Variants in SLC24A5 observed in about 807,000 individuals in gnomAD.
The protein encoded by SLC24A5 is sodium/potassium/calcium exchanger 5.
A neutral mutation model predicts 51.6 loss-of-function variants in SLC24A5; 46 were observed. The observed-to-expected ratio is 0.89, with a 90% confidence interval of 0.70 to 1.14. The LOEUF is 1.14. Ranked by LOEUF, SLC24A5 falls within the 50% of genes most tolerant of loss-of-function variation. The pLI, the probability that SLC24A5 is intolerant of heterozygous loss-of-function variation, is 0.00. For missense variants in SLC24A5, 581 were observed against 604.1 expected, an observed-to-expected ratio of 0.96 and a Z score of 0.40; for synonymous variants, 230 against 214.9, an observed-to-expected ratio of 1.07 and a Z score of -0.62.
chr15:48,125,805 T>C (rs1223501931), intron 2 of SLC24A5, among the ~76,000 whole-genome samples: 1 of 152,138 alleles, frequency 6.6e-6, no homozygotes, highest in Non-Finnish European at 1.5e-5. Flanking sequence ...TGGAACTTCA[T>C]CATCATAGAT....
chr15:48,138,961 C>T lies in SLC24A5; in HGVS notation c.872-8C>T. ...AAAACTCAAAAGTGTTTACTTTTTCCACAACAGATCCACCAAGTGTTTTCA... is the reference window on the plus strand; with the variant it reads ...AAAACTCAAAAGTGTTTACTTTTTCTACAACAGATCCACCAAGTGTTTTCA... On this transcript the variant is annotated splice_polypyrimidine_tract_variant and splice_region_variant and intron_variant, in intron 6 of 8. Coordinates refer to ENST00000341459, the MANE Select transcript of SLC24A5 (RefSeq NM_205850.3). 1 of 1,603,344 alleles carries T rather than the reference C, an allele frequency of 6.2e-7. No homozygotes were observed. Among genetic ancestry groups the T allele is most frequent in the Non-Finnish European group, 8.5e-7 (1 of 1,175,296 alleles).
rs1186464421 is a variant in SLC24A5 at position 48,136,938 on chromosome 15, AC to A, written c.847del (p.His283MetfsTer21). ...GCTACTCTCAGCTCTCTATAAGTTT[AC>A]ATGGCCTTAGTCAGGTTTCTGAAGG... ...SGYSQLSISLHGLSQVSEDPP... is the reference protein window; with the variant it reads ...SGYSQLSISLXGLSQVSEDPP... On this transcript the variant is annotated frameshift_variant, in exon 6 of 9. Transcript: ENST00000341459. LOFTEE classifies it high-confidence loss of function. The A allele has an allele frequency of 6.2e-7, 1 of 1,612,864 alleles. No individual in the cohort carries two copies. The highest frequency in any genetic ancestry group is 1.3e-5 in the African/African-American group (1 of 74,904).
At chr15:48,123,616 T>C (rs2038701886) in intron 2 of SLC24A5, 1 of 152,210 alleles carries the variant, frequency 6.6e-6, no homozygotes, top group Non-Finnish European at 1.5e-5. Flanking sequence ...TTTAAAACTA[T>C]TACTCTCATT....
chr15:48,140,735 TCTGA>T (rs776987020), intron 7 of SLC24A5: 33 of 193,204 alleles, frequency 1.7e-4, no homozygotes, highest in African/African-American at 3.8e-4. Context: ...TTTGCTTAAC[TCTGA>T]CTAATATTTT....
intron 5 of SLC24A5, 145 bp downstream of exon 5, chr15:48,135,129 T>C (rs2038864754): frequency 3.5e-6 from 2 of 572,698 alleles, no homozygotes; most frequent in Admixed American, 2.9e-5. Context: ...GTTAACCTCA[T>C]CACAATTGCT....
chr15:48,129,173 A>G lies in SLC24A5; in HGVS notation c.302-5085A>G, dbSNP rs1342979293. Among the ~76,000 whole-genome samples the G allele has an allele frequency of 2.6e-5, 4 of 152,112 alleles. 1 individual carries two copies. Among genetic ancestry groups the G allele is most frequent in the African/African-American group, 9.7e-5 (4 of 41,436 alleles). On this transcript the variant is annotated intron_variant, in intron 2 of 8. Coordinates refer to ENST00000341459, the MANE Select transcript of SLC24A5 (RefSeq NM_205850.3). ...AAAAGCATTACAGGTTTCAGAATTC[A>G]TTCTTTCATTGCTCAGACAAAATAT... is the stretch of plus-strand genomic sequence containing the variant.
chr15:48,134,412 A>G (rs1241200765), intron 3 of SLC24A5, 23 bp from the exon 4 acceptor site: 1 of 1,608,054 alleles, frequency 6.2e-7, no homozygotes, highest in South Asian at 1.1e-5. Context: ...ACACTAACTT[A>G]GCTGGTACTA....
intron 2 of SLC24A5, 58 bp from the exon 3 acceptor site, chr15:48,134,200 T>G (rs946244054): frequency 1.6e-5 from 23 of 1,406,506 alleles, no homozygotes; most frequent in Middle Eastern, 1.8e-4. Context: ...TTGTGTTTAG[T>G]TGTAAAGACA....
intron 2 of SLC24A5, among the ~76,000 whole-genome samples, chr15:48,129,028 G>A (rs1484839687): frequency 1.3e-5 from 2 of 152,142 alleles, no homozygotes; most frequent in East Asian, 3.9e-4. Flanking sequence ...TGGAGGTAAA[G>A]TGTCTTGTAT....
At position 48,136,686 on chromosome 15, in the gene SLC24A5, T is replaced by C. The variant is rs199825911; in HGVS notation, c.594T>C (p.Tyr198=). Reference sequence around the variant, plus strand: ...AACACAAATTTCTCTTTTGTAGGTATGAAGGGGCTTTACTGCTTTTGATAT... The same window carrying C: ...AACACAAATTTCTCTTTTGTAGGTACGAAGGGGCTTTACTGCTTTTGATAT... ...GIIYDNQVYW[Y]EGALLLLIYG... is the part of the protein sequence containing the mutation. Residue 198 remains tyrosine, a synonymous_variant, in exon 6 of 9, where the codon TAT becomes TAC. Coordinates refer to ENST00000341459, the MANE Select transcript of SLC24A5 (RefSeq NM_205850.3). 188 of 1,600,250 alleles carry C rather than the reference T, an allele frequency of 1.2e-4. 1 individual carries two copies. In the Middle Eastern group the frequency reaches 1.5e-3, roughly 13 times the overall value.
rs756059377 is a variant in SLC24A5 at position 48,134,354 on chromosome 15, C to G, written c.385+13C>G. 4.0e-5 allele frequency: 64 copies of G among 1,612,786 alleles called. No homozygotes were observed. Among genetic ancestry groups the G allele is most frequent in the Non-Finnish European group, 5.4e-5 (64 of 1,179,080 alleles). On this transcript the variant is annotated intron_variant, in intron 3 of 8. Coordinates refer to ENST00000341459, the MANE Select transcript of SLC24A5 (RefSeq NM_205850.3). ...ACTGCTTTCCTAGGTAAATATTGCT[C>G]CTTATACTTCTTGCTTACTCAGTGT...
rs764944819 is a variant in SLC24A5, at chr15:48,122,010, T to TACC, written c.276_278dup (p.Pro93dup). Reference sequence around the variant, plus strand: ...TCTATTGTCTGTGATGAATACTTCCTACCCTCCCTGGAAATCATCAGTGAA... The same window carrying TACC: ...TCTATTGTCTGTGATGAATACTTCCTACCACCCTCCCTGGAAATCATCAGTGAA... On this transcript the variant is annotated inframe_insertion, in exon 2 of 9. Transcript: ENST00000341459. 6.2e-7 allele frequency: 1 copy of TACC among 1,614,208 alleles called. No homozygotes were observed.
intron 2 of SLC24A5, among the ~76,000 whole-genome samples, chr15:48,126,673 C>T (rs547555815): frequency 2.0e-5 from 3 of 152,066 alleles, no homozygotes; most frequent in Non-Finnish European, 4.4e-5. Context: ...GAATGTTACC[C>T]GGATGGATAC....
intron 7 of SLC24A5, chr15:48,139,392 C>A: frequency 2.5e-6 from 1 of 401,874 alleles, no homozygotes; most frequent in Non-Finnish European, 4.5e-6. Context: ...TGTTATTTAG[C>A]CTGGGGTACA....
Position 48,134,447 on chromosome 15 carries a change from C to G in SLC24A5, c.398C>G (p.Thr133Arg). ...ATCTTGCACATAGGTGTATTTATCA[C>G]AAAGGGAGATATTGGCATTAGCACC... ...LVTAFLGVFI[T>R]KGDIGISTIL... The change falls in exon 4 of 9, where the codon ACA becomes AGA. Residue 133 changes from threonine (T) to arginine (R), a missense_variant. Transcript: ENST00000341459. 1 of 1,613,204 alleles carries G rather than the reference C, an allele frequency of 6.2e-7. No homozygotes were observed. Among genetic ancestry groups the G allele is most frequent in the Non-Finnish European group, 8.5e-7 (1 of 1,179,296 alleles).
chr15:48,126,596 C>T lies in SLC24A5; in HGVS notation c.301+4560C>T, dbSNP rs375034336. On this transcript the variant is annotated intron_variant, in intron 2 of 8. Transcript: ENST00000341459. ...CAAGCCCAAGTTAGAGCTAAAGGAG[C>T]TAGAGGTAATGGGGTGAGGAATAAA... 3.9e-5 allele frequency among the ~76,000 whole-genome samples: 6 copies of T among 152,250 alleles called. No homozygotes were observed. The South Asian group carries it at 1.2e-3, about 32-fold the overall frequency.
chr15:48,138,630 C>T, intron 6 of SLC24A5: 2 of 195,176 alleles, frequency 1.0e-5, no homozygotes, highest in Admixed American at 1.1e-4. Context: ...CCAGGTTAAT[C>T]CCTTAAGCAA....
chr15:48,130,919 T>C (rs1160451575), intron 2 of SLC24A5, among the ~76,000 whole-genome samples: 1 of 152,128 alleles, frequency 6.6e-6, no homozygotes, highest in East Asian at 1.9e-4. Context: ...AAAAACAGCA[T>C]TGGGCTTAGA....
At chr15:48,127,105 G>A (rs2140712123) in intron 2 of SLC24A5, among the ~76,000 whole-genome samples, 1 of 152,254 alleles carries the variant, frequency 6.6e-6, no homozygotes, top group East Asian at 1.9e-4. Flanking sequence ...GTGACCTTGG[G>A]CAAAGTTCCT....
Sources: gnomAD v4.1 joint callset for allele counts (sites outside exome capture counted in the v4.1 genomes callset) on GRCh38, gnomAD v4.1.1 for gene constraint, MANE v1.5 for transcripts, NCBI Gene and HGNC (gene_info 2026-07-23, HGNC 2026-07-21) for gene names.